Variants in CR1 observed in about 807,000 individuals in gnomAD.
The protein encoded by CR1 is complement C3b/C4b receptor 1 (Knops blood group).
A neutral mutation model predicts 187.3 loss-of-function variants in CR1; 116 were observed. The observed-to-expected ratio is 0.62, with a 90% confidence interval of 0.53 to 0.72. The LOEUF (loss-of-function observed/expected upper bound fraction) is 0.72. CR1 is among the 30% of genes least tolerant of loss of function. The pLI is 0.00. For synonymous variants in CR1, 576 were observed against 747.1 expected (o/e 0.77, Z 3.73); for missense variants, 1,731 against 2,110.7 (o/e 0.82, Z 3.52).
chr1:207,578,001 C>G lies in CR1; in HGVS notation c.4734C>G (p.Pro1578=), dbSNP rs148751002. The part of the protein sequence containing the change: ...NDDQVGIWSG[P]APQCIIPNKC... ...ATCAAGTGGGCATCTGGAGCGGCCCCGCCCCTCAGTGCATTATACCTAACA... is the reference window on the plus strand; with the variant it reads ...ATCAAGTGGGCATCTGGAGCGGCCCGGCCCCTCAGTGCATTATACCTAACA... The change falls in exon 29 of 47, where the codon CCC becomes CCG. Residue 1578 remains proline, a synonymous_variant. Transcript: ENST00000367049. 1.8e-3 allele frequency: 2,904 copies of G among 1,611,376 alleles called. 34 individuals are homozygous for G. In the African/African-American group the frequency reaches 0.029, roughly 16 times the overall value.
rs75988169 is a variant in CR1 at position 207,629,722 on chromosome 1, T to A, written c.7353-795T>A. ...TAAAATCTCCAGGTACTGGTACTGT[T>A]TTATCATTTCATTGATAAAAGATGA... On this transcript the variant is annotated intron_variant, in intron 45 of 46. Transcript: ENST00000367049. Among the ~76,000 whole-genome samples, 50 of 152,304 alleles carry A rather than the reference T, an allele frequency of 3.3e-4. 2 individuals are homozygous for A. The East Asian group carries it at 8.3e-3, about 25-fold the overall frequency.
rs564952548 is a variant in CR1 at position 207,616,623 on chromosome 1, G to A, written c.6710G>A (p.Gly2237Glu). ...GCTATCCTTAATGGGAGACACACAGGAACTCCCTTTGGAGATATTCCCTAT... is the reference window on the plus strand; with the variant it reads ...GCTATCCTTAATGGGAGACACACAGAAACTCCCTTTGGAGATATTCCCTAT... ...PPAILNGRHT[G>E]TPFGDIPYGK... Residue 2237 changes from glycine to glutamate, a missense_variant, in exon 41 of 47, where the codon GGA (glycine) becomes GAA (glutamate). Physicochemically the swap from Gly to Glu is moderately conservative, Grantham distance 98 (BLOSUM62 -2). Coordinates refer to ENST00000367049, the MANE Select transcript of CR1 (RefSeq NM_000651.6). The A allele has an allele frequency of 5.6e-6, 9 of 1,613,698 alleles. No homozygotes were observed. The East Asian group carries it at 2.0e-4, about 36-fold the overall frequency.
chr1:207,574,861 A>T (rs183375351), intron 27 of CR1, among the ~76,000 whole-genome samples: 1 of 152,252 alleles, frequency 6.6e-6, no homozygotes. Context: ...AATTATTAGA[A>T]TAACTAAAAC....
intron 3 of CR1, among the ~76,000 whole-genome samples, chr1:207,509,168 C>G (rs1659539691): frequency 6.6e-6 from 1 of 152,182 alleles, no homozygotes; most frequent in Admixed American, 6.5e-5. Flanking sequence ...GGAAATGGGA[C>G]TAATATCCCA....
At chr1:207,589,533 C>T (rs1192970732) in intron 35 of CR1, among the ~76,000 whole-genome samples, 5 of 152,116 alleles carry the variant, frequency 3.3e-5, no homozygotes, top group Admixed American at 1.3e-4. Context: ...TGAAAATTCC[C>T]GAAACCAGAA....
At chr1:207,632,513 G>C (rs1319215386) in intron 46 of CR1, among the ~76,000 whole-genome samples, 1 of 152,178 alleles carries the variant, frequency 6.6e-6, no homozygotes, top group African/African-American at 2.4e-5. Flanking sequence ...AGACGGCTGG[G>C]CGCTGTGGCT....
intron 32 of CR1, among the ~76,000 whole-genome samples, 177 bp from the exon 33 acceptor site, chr1:207,584,472 A>T (rs1667040328): frequency 6.6e-6 from 1 of 152,192 alleles, no homozygotes; most frequent in Non-Finnish European, 1.5e-5. Flanking sequence ...TTTAGTTGTC[A>T]TTTCATTTAG....
At chr1:207,577,319 G>A (rs1447644221) in intron 28 of CR1, among the ~76,000 whole-genome samples, 1 of 151,576 alleles carries the variant, frequency 6.6e-6, no homozygotes, top group South Asian at 2.1e-4. Context: ...GTGAAATAAG[G>A]TTAACTGAGT....
chr1:207,605,114 G>C (rs189268497), intron 35 of CR1, among the ~76,000 whole-genome samples: 6 of 152,124 alleles, frequency 3.9e-5, no homozygotes, highest in Non-Finnish European at 7.4e-5. Context: ...ACAAAAATTA[G>C]CCAGGCATGG....
chr1:207,506,654 T>G (rs914022272), intron 2 of CR1, 60 bp from the exon 3 acceptor site: 14 of 1,364,920 alleles, frequency 1.0e-5, no homozygotes, highest in African/African-American at 1.4e-5. Flanking sequence ...AGACCTTATG[T>G]ACTAAAAAAA....
rs1661309736 is a variant in CR1, at chr1:207,592,739, C to T, written c.5810+3965C>T. On this transcript the variant is annotated intron_variant, in intron 35 of 46. Coordinates refer to ENST00000367049, the MANE Select transcript of CR1 (RefSeq NM_000651.6). ...ATATCCGTAATCTGATAAGCAACTTCAGCAAAGTCTCAGGATACAAAATCA... is the reference window on the plus strand; with the variant it reads ...ATATCCGTAATCTGATAAGCAACTTTAGCAAAGTCTCAGGATACAAAATCA... Among the ~76,000 whole-genome samples the T allele has an allele frequency of 1.3e-5, 2 of 152,192 alleles. 1 individual carries two copies. Among genetic ancestry groups the T allele is most frequent in the South Asian group, 4.1e-4 (2 of 4,834 alleles).
intron 35 of CR1, among the ~76,000 whole-genome samples, chr1:207,594,618 T>G (rs139812195): frequency 1.3e-5 from 2 of 152,142 alleles, no homozygotes; most frequent in African/African-American, 4.8e-5. Flanking sequence ...AAAAAGACTG[T>G]GTACTCATTT....
chr1:207,499,539 T>C (rs1659199655), intron 1 of CR1, among the ~76,000 whole-genome samples: 1 of 152,218 alleles, frequency 6.6e-6, no homozygotes, highest in Non-Finnish European at 1.5e-5. Context: ...TCCACTTGGG[T>C]ATAATTGACA....
rs1558272775 is a variant in CR1 at position 207,618,198 on chromosome 1, T to C, written c.7017T>C (p.Ile2339=). Residue 2339 remains isoleucine (I), a synonymous_variant, in exon 42 of 47, where the codon ATT becomes ATC. Coordinates refer to ENST00000367049, the MANE Select transcript of CR1 (RefSeq NM_000651.6). ...PGYLLVGKGF[I]FCTDQGIWSQ... is the part of the protein sequence containing the mutation. ...ACCTGTTAGTGGGAAAGGGCTTCAT[T>C]TTCTGTACAGACCAGGGAATCTGGA... The C allele has an allele frequency of 6.2e-7, 1 of 1,613,694 alleles. No individual in the cohort carries two copies. Among genetic ancestry groups the C allele is most frequent in the Non-Finnish European group, 8.5e-7 (1 of 1,179,800 alleles).
At chr1:207,625,510 T>G (rs1460568285) in intron 45 of CR1, among the ~76,000 whole-genome samples, 1 of 152,254 alleles carries the variant, frequency 6.6e-6, no homozygotes, top group Admixed American at 6.5e-5. Context: ...GATGTGTTCT[T>G]CCTGCCTGTC....
At chr1:207,586,740 G>C (rs1558249650) in intron 33 of CR1, among the ~76,000 whole-genome samples, 1 of 152,070 alleles carries the variant, frequency 6.6e-6, no homozygotes, top group African/African-American at 2.4e-5. Flanking sequence ...CTTTTCCCCT[G>C]TGTCTCTATA....
At chr1:207,604,606 CA>C (rs995778057) in intron 35 of CR1, among the ~76,000 whole-genome samples, 5 of 152,192 alleles carry the variant, frequency 3.3e-5, no homozygotes, top group Non-Finnish European at 5.9e-5. Flanking sequence ...CAATTTCTTA[CA>C]AAAACTTGTA....
chr1:207,616,720 C>T lies in CR1; in HGVS notation c.6807C>T (p.Ser2269=), dbSNP rs1558270495. The change falls in exon 41 of 47, where the codon AGC becomes AGT. Residue 2269 remains serine (S), a synonymous_variant. Coordinates refer to ENST00000367049, the MANE Select transcript of CR1 (RefSeq NM_000651.6). ...TGACCTTCAACCTCATTGGGGAGAGCTCCATCCGCTGCACAAGTGACCCTC... is the reference window on the plus strand; with the variant it reads ...TGACCTTCAACCTCATTGGGGAGAGTTCCATCCGCTGCACAAGTGACCCTC... ...RGMTFNLIGE[S]SIRCTSDPQG... The T allele has an allele frequency of 1.2e-6, 2 of 1,613,854 alleles. No homozygotes were observed. Among genetic ancestry groups the T allele is most frequent in the Non-Finnish European group, 8.5e-7 (1 of 1,179,900 alleles).
In CR1 at chr1:207,511,761, C is replaced by T. The variant is rs76041657; in HGVS notation, c.487+107C>T. On this transcript the variant is annotated intron_variant, in intron 4 of 46. Transcript: ENST00000367049. ...CCTTCTGTGCAATCTGTCCTTCACA[C>T]GGCTGAAGACTGCGGTAATGTTCTC... 1,835 of 1,040,124 alleles carry T rather than the reference C, an allele frequency of 1.8e-3. 52 individuals carry two copies. The East Asian group carries it at 0.041, about 23-fold the overall frequency. The allele number at this position is 1,040,124 out of a possible 1,614,324, so 64.4% of individuals were successfully genotyped here.
Sources: gnomAD v4.1 joint callset for allele counts (sites outside exome capture counted in the v4.1 genomes callset) on GRCh38, gnomAD v4.1.1 for gene constraint, MANE v1.5 for transcripts, NCBI Gene and HGNC (gene_info 2026-07-23, HGNC 2026-07-21) for gene names.